The following CYSLTR1 variants were observed in gnomAD, a reference collection of about 807,000 sequenced individuals.
The protein encoded by CYSLTR1 is cysteinyl leukotriene receptor 1, also known as G-protein coupled receptor HG55.
Under a neutral mutation model 2.1 loss-of-function variants are expected in CYSLTR1, and 1 was observed. The ratio of observed to expected loss-of-function variants is 0.48; its 90% CI spans 0.17 to 2.28. CYSLTR1 has a LOEUF of 2.28. CYSLTR1 is among the 30% of genes most tolerant of loss of function. The pLI is 0.26. For synonymous variants in CYSLTR1, 110 were observed against 89.6 expected (o/e 1.23, Z -1.28); for missense variants, 299 against 250.1 (o/e 1.20, Z -1.32).
At chrX:78,297,209 T>C (rs1922608913) in intron 1 of CYSLTR1, among the ~76,000 whole-genome samples, 1 of 112,180 alleles carries the variant, frequency 8.9e-6, no homozygotes, top group South Asian at 3.7e-4. Context: ...GATTTGTACA[T>C]GTTGAACCAT....
chrX:78,310,662 T>C (rs946767957), intron 1 of CYSLTR1, among the ~76,000 whole-genome samples: 1 of 111,585 alleles, frequency 9.0e-6, no homozygotes, highest in Non-Finnish European at 1.9e-5. Context: ...ACACAGAGCA[T>C]AAAAGTAGTA....
At chrX:78,287,247 G>A (rs1019422848) in intron 1 of CYSLTR1, among the ~76,000 whole-genome samples, 2 of 111,760 alleles carry the variant, frequency 1.8e-5, no homozygotes, top group Non-Finnish European at 3.8e-5. Flanking sequence ...TCAAAGTCAC[G>A]AGGAAGTACT....
intron 1 of CYSLTR1, among the ~76,000 whole-genome samples, chrX:78,314,525 G>GA (rs1479506272): frequency 9.0e-6 from 1 of 111,485 alleles, no homozygotes; most frequent in South Asian, 3.8e-4. Flanking sequence ...TAAAAAGGTA[G>GA]AAAAAACAGC....
chrX:78,304,089 G>C (rs1040617132), intron 1 of CYSLTR1, among the ~76,000 whole-genome samples: 11 of 111,984 alleles, frequency 9.8e-5, no homozygotes, highest in Middle Eastern at 4.6e-3. Flanking sequence ...TCTTCTTTGA[G>C]TGTATTAGCT....
intron 1 of CYSLTR1, among the ~76,000 whole-genome samples, chrX:78,310,282 T>C (rs754741191): frequency 5.4e-5 from 6 of 111,954 alleles, no homozygotes; most frequent in Non-Finnish European, 9.4e-5. Flanking sequence ...TATGAATAGC[T>C]CCATCTCTCC....
At chrX:78,289,426 G>C (rs892845296) in intron 1 of CYSLTR1, among the ~76,000 whole-genome samples, 3 of 112,059 alleles carry the variant, frequency 2.7e-5, no homozygotes, top group African/African-American at 9.7e-5. Context: ...ATAAACATAT[G>C]TGTGCATGTG....
chrX:78,326,680 C>A (rs1923871532), intron 1 of CYSLTR1, among the ~76,000 whole-genome samples: 1 of 112,092 alleles, frequency 8.9e-6, no homozygotes, highest in South Asian at 3.6e-4. Flanking sequence ...TTCTTCTATT[C>A]ATTTATAGTT....
chrX:78,275,972 G>A (rs1308451585), intron 2 of CYSLTR1, among the ~76,000 whole-genome samples: 2 of 111,979 alleles, frequency 1.8e-5, no homozygotes, highest in African/African-American at 6.5e-5. Flanking sequence ...GTTTTAGAGT[G>A]ATAAAATACA....
chrX:78,292,227 C>T (rs1348351738), intron 1 of CYSLTR1, among the ~76,000 whole-genome samples: 1 of 111,878 alleles, frequency 8.9e-6, no homozygotes, highest in Non-Finnish European at 1.9e-5. Context: ...TCTTTATGTA[C>T]CCAGTAGTCA....
chrX:78,290,053 A>G (rs1006944394), intron 1 of CYSLTR1, among the ~76,000 whole-genome samples: 15 of 111,913 alleles, frequency 1.3e-4, no homozygotes, highest in African/African-American at 4.9e-4. Context: ...CTTGTCCTGA[A>G]TGGTATTGCC....
At chrX:78,312,744 C>T (rs770308752) in intron 1 of CYSLTR1, among the ~76,000 whole-genome samples, 2 of 111,961 alleles carry the variant, frequency 1.8e-5, no homozygotes, top group East Asian at 5.6e-4. Flanking sequence ...CAGAGAAATG[C>T]AAATTAAAAC....
chrX:78,312,876 C>G (rs1453878810), intron 1 of CYSLTR1, among the ~76,000 whole-genome samples: 1 of 112,152 alleles, frequency 8.9e-6, no homozygotes, highest in African/African-American at 3.2e-5. Flanking sequence ...GGAATGCAAA[C>G]TAGTTCAGTC....
chrX:78,296,329 T>C (rs1922572309), intron 1 of CYSLTR1, among the ~76,000 whole-genome samples: 1 of 111,601 alleles, frequency 9.0e-6, no homozygotes, highest in South Asian at 3.7e-4. Context: ...AGTTAGGTAA[T>C]GTGATTCCTC....
In CYSLTR1 at chrX:78,312,047, A is replaced by C. The variant is rs140501005; in HGVS notation, c.-115+15258T>G. Among the ~76,000 whole-genome samples the C allele has an allele frequency of 3.9e-3, 439 of 112,059 alleles. 1 individual carries two copies. Among genetic ancestry groups the C allele is most frequent in the African/African-American group, 0.014 (423 of 30,933 alleles). On this transcript the variant is annotated intron_variant, in intron 1 of 2. Coordinates refer to ENST00000373304, the MANE Select transcript of CYSLTR1 (RefSeq NM_006639.4). ...AAGCAATTGTAAGCAAAAGGAACAA[A>C]GCTTGAGTCATCACATTACTCAACG...
chrX:78,312,572 A>C (rs958693052), intron 1 of CYSLTR1, among the ~76,000 whole-genome samples: 1 of 112,181 alleles, frequency 8.9e-6, no homozygotes, highest in African/African-American at 3.2e-5. Flanking sequence ...TGCAAGCTGT[A>C]CACCTGACAG....
At chrX:78,324,001 A>T (rs1923766868) in intron 1 of CYSLTR1, among the ~76,000 whole-genome samples, 1 of 111,527 alleles carries the variant, frequency 9.0e-6, no homozygotes. Flanking sequence ...AATTTAAAGT[A>T]TTTTTTTCTC....
At position 78,272,961 on chromosome X, in the gene CYSLTR1, A is replaced by G. The variant is rs1458489551; in HGVS notation, c.786T>C (p.Asn262=). 1 of 1,211,512 alleles carries G rather than the reference A, an allele frequency of 8.3e-7. No individual in the cohort carries two copies. The highest frequency in any genetic ancestry group is 2.2e-5 in the Admixed American group (1 of 45,942). The change falls in exon 3 of 3, where the codon AAT becomes AAC. Residue 262 remains asparagine, a synonymous_variant. Coordinates refer to ENST00000373304, the MANE Select transcript of CYSLTR1 (RefSeq NM_006639.4). ...QRTIHLHFLH[N]ETKPCDSVLR... Reference sequence around the variant, plus strand: ...GGACAGAATCACAGGGTTTAGTTTCATTGTGTAAAAAATGAAGGTGAATGG... The same window carrying G: ...GGACAGAATCACAGGGTTTAGTTTCGTTGTGTAAAAAATGAAGGTGAATGG...
intron 1 of CYSLTR1, among the ~76,000 whole-genome samples, chrX:78,301,764 C>T (rs1047010832): frequency 8.9e-6 from 1 of 111,840 alleles, no homozygotes; most frequent in Non-Finnish European, 1.9e-5. Context: ...ACAGCAGCAC[C>T]CCACTCTTCC....
In CYSLTR1 at chrX:78,310,859, T is replaced by C. The variant is rs1051542205; in HGVS notation, c.-115+16446A>G. Among the ~76,000 whole-genome samples, 20 of 110,794 alleles carry C rather than the reference T, an allele frequency of 1.8e-4. No individual in the cohort carries two copies. In the Admixed American group the frequency reaches 1.9e-3, roughly 11 times the overall value. ...AAATATAAGATGAAAGTAGTATGCA[T>C]GTGCGTGTATGTGTGTTTGGGCGTG... On this transcript the variant is annotated intron_variant, in intron 1 of 2. Coordinates refer to ENST00000373304, the MANE Select transcript of CYSLTR1 (RefSeq NM_006639.4).
Sources: gnomAD v4.1 joint callset for allele counts (sites outside exome capture counted in the v4.1 genomes callset) on GRCh38, gnomAD v4.1.1 for gene constraint, MANE v1.5 for transcripts, NCBI Gene and HGNC (gene_info 2026-07-23, HGNC 2026-07-21) for gene names.